SIN3A: variants seen among roughly 807,000 people sequenced by gnomAD.
SIN3A encodes the protein SIN3 transcription regulator family member A.
Under a neutral mutation model 146.1 loss-of-function variants are expected in SIN3A, and 14 were observed. The observed-to-expected ratio is 0.10, with a 90% CI of 0.06 to 0.15. The LOEUF (loss-of-function observed/expected upper bound fraction) is 0.15. Ranked by LOEUF, SIN3A falls within the 10% of genes least tolerant of loss-of-function variation. SIN3A has a pLI of 1.00. For synonymous variants in SIN3A, 572 were observed against 572.0 expected (o/e 1.00, Z 0.00); for missense variants, 1,028 against 1,576.0 (o/e 0.65, Z 5.89).
At chr15:75,395,244 T>G (rs181631086) in intron 13 of SIN3A, among the ~76,000 whole-genome samples, 6 of 152,292 alleles carry the variant, frequency 3.9e-5, no homozygotes, top group African/African-American at 1.4e-4. Flanking sequence ...ACAAGAGAAC[T>G]TGCACAGTTA....
At chr15:75,416,290 C>A (rs1181075081) in intron 3 of SIN3A, among the ~76,000 whole-genome samples, 1 of 152,146 alleles carries the variant, frequency 6.6e-6, no homozygotes, top group Non-Finnish European at 1.5e-5. Flanking sequence ...TTTTGAGAGA[C>A]TTCCTCTTGG....
upstream of SIN3A, among the ~76,000 whole-genome samples, chr15:75,454,316 G>C (rs1046197982): frequency 2.6e-5 from 4 of 152,306 alleles, no homozygotes; most frequent in East Asian, 7.7e-4. Flanking sequence ...GGGAGAGCCG[G>C]AGGTGGGTGG....
At chr15:75,396,644 G>C (rs2073310222) in intron 12 of SIN3A, 148 bp from the exon 13 acceptor site, 1 of 608,854 alleles carries the variant, frequency 1.6e-6, no homozygotes, top group Non-Finnish European at 2.9e-6. Context: ...TTCTTTATCA[G>C]CAAAATAGGG....
chr15:75,434,365 G>A (rs1254413067), intron 1 of SIN3A, among the ~76,000 whole-genome samples: 3 of 152,082 alleles, frequency 2.0e-5, no homozygotes, highest in Non-Finnish European at 4.4e-5. Context: ...AACGTGTAAA[G>A]TAGGCCGGGC....
rs369256256 is a variant in SIN3A, at chr15:75,410,102, T to G, written c.1161+32A>C. 3.7e-6 allele frequency: 6 copies of G among 1,607,710 alleles called. No individual in the cohort carries two copies. The African/African-American group carries it at 6.7e-5, about 18-fold the overall frequency. On this transcript the variant is annotated intron_variant, in intron 7 of 20. Coordinates refer to ENST00000394947, the MANE Select transcript of SIN3A (RefSeq NM_001145358.2). ...TCCAACTCATCTAAGATAATAATAG[T>G]AAATAGTGTAATTCTTATTAAAAAA...
At chr15:75,385,345 C>CA (rs1476385838) in intron 16 of SIN3A, among the ~76,000 whole-genome samples, 7 of 152,180 alleles carry the variant, frequency 4.6e-5, no homozygotes, top group African/African-American at 1.7e-4. Flanking sequence ...CAATACTTTT[C>CA]CAAACACATC....
chr15:75,387,089 G>T (rs183656279), intron 16 of SIN3A, among the ~76,000 whole-genome samples: 21 of 152,302 alleles, frequency 1.4e-4, no homozygotes, highest in African/African-American at 4.8e-4. Flanking sequence ...TTAGAGGCAT[G>T]AGCCACCATG....
chr15:75,449,615 G>C (rs1454849141), intron 1 of SIN3A, among the ~76,000 whole-genome samples: 1 of 152,208 alleles, frequency 6.6e-6, no homozygotes, highest in Admixed American at 6.5e-5. Context: ...AGGCTACCCT[G>C]ATCCACAATT....
intron 9 of SIN3A, among the ~76,000 whole-genome samples, chr15:75,406,440 C>T (rs1299846249): frequency 6.6e-6 from 1 of 152,208 alleles, no homozygotes; most frequent in Non-Finnish European, 1.5e-5. Context: ...GTAATCCCAG[C>T]ACTTTGGGAG....
At chr15:75,432,886 T>A (rs2074037043) in intron 1 of SIN3A, among the ~76,000 whole-genome samples, 1 of 151,572 alleles carries the variant, frequency 6.6e-6, no homozygotes, top group East Asian at 1.9e-4. Flanking sequence ...CTACTAAAAA[T>A]ACAAAATTAG....
At chr15:75,407,476 T>A (rs2073536111) in intron 8 of SIN3A, among the ~76,000 whole-genome samples, 1 of 152,180 alleles carries the variant, frequency 6.6e-6, no homozygotes, top group South Asian at 2.1e-4. Context: ...TCATGTAGAA[T>A]CTAATGCCAC....
At chr15:75,431,683 G>A (rs2074016418) in intron 1 of SIN3A, among the ~76,000 whole-genome samples, 1 of 151,862 alleles carries the variant, frequency 6.6e-6, no homozygotes, top group African/African-American at 2.4e-5. Flanking sequence ...TAATTCATAA[G>A]TCTACCCAAG....
At chr15:75,398,200 G>T (rs1478307102) in intron 12 of SIN3A, among the ~76,000 whole-genome samples, 1 of 152,170 alleles carries the variant, frequency 6.6e-6, no homozygotes, top group Non-Finnish European at 1.5e-5. Context: ...AATAGGATAC[G>T]TATCATTTTA....
intron 20 of SIN3A, among the ~76,000 whole-genome samples, chr15:75,374,221 C>T (rs80351116): frequency 0.21 from 31,849 of 152,082 alleles, 3,756 homozygotes; most frequent in Non-Finnish European, 0.26. Context: ...TACATCTGGG[C>T]GTGGTGGCTC....
intron 16 of SIN3A, among the ~76,000 whole-genome samples, chr15:75,387,580 C>CG (rs1001929325): frequency 8.5e-6 from 1 of 117,600 alleles, no homozygotes; most frequent in East Asian, 2.4e-4. Flanking sequence ...AAAAAAAAAG[C>CG]GGGGGGTGGG....
At chr15:75,401,012 C>A in intron 10 of SIN3A, 72 bp from the exon 11 acceptor site, 1 of 1,067,270 alleles carries the variant, frequency 9.4e-7, no homozygotes. Flanking sequence ...TGACTACTAC[C>A]ATCTGGTTTT....
intron 6 of SIN3A, 124 bp from the exon 7 acceptor site, chr15:75,410,410 G>T (rs1049081649): frequency 3.2e-6 from 3 of 934,748 alleles, no homozygotes; most frequent in African/African-American, 1.7e-5. Context: ...TATGTTCTTA[G>T]CACCCGTTCT....
At chr15:75,420,140 C>T (rs6495174) in intron 3 of SIN3A, 84,295 of 151,890 alleles carry the variant, frequency 0.55, 24,192 homozygotes, top group African/African-American at 0.7. Flanking sequence ...ATTAAGGCCC[C>T]GAATCTCCTG....
At chr15:75,410,107 AGT>A in intron 7 of SIN3A, 25 bp downstream of exon 7, 1 of 1,608,138 alleles carries the variant, frequency 6.2e-7, no homozygotes, top group South Asian at 1.1e-5. Context: ...AATAGTAAAT[AGT>A]GTAATTCTTA....
Sources: gnomAD v4.1 joint callset for allele counts (sites outside exome capture counted in the v4.1 genomes callset) on GRCh38, gnomAD v4.1.1 for gene constraint, MANE v1.5 for transcripts, NCBI Gene and HGNC (gene_info 2026-07-23, HGNC 2026-07-21) for gene names.